Variants in FGF12 observed in about 807,000 individuals in gnomAD.
FGF12 encodes the protein fibroblast growth factor 12.
FGF12 carries 14 observed loss-of-function variants against 23.6 expected under a neutral mutation model. The observed-to-expected ratio is 0.59, with a 90% confidence interval of 0.39 to 0.93. The LOEUF (loss-of-function observed/expected upper bound fraction) is 0.93. Ranked by LOEUF, FGF12 falls within the 40% of genes least tolerant of loss-of-function variation. The pLI is 0.00. For missense variants in FGF12, 175 were observed against 217.8 expected (o/e 0.80, Z 1.24); for synonymous variants, 62 against 77.3 (o/e 0.80, Z 1.04).
intron 5 of FGF12, among the ~76,000 whole-genome samples, chr3:192,164,841 G>A (rs1417171663): frequency 6.6e-6 from 1 of 152,122 alleles, no homozygotes; most frequent in Non-Finnish European, 1.5e-5. Flanking sequence ...TTAGCAGCAA[G>A]TTAGCTAATC....
chr3:192,490,289 C>T (rs1474129120), intron 2 of FGF12, among the ~76,000 whole-genome samples: 1 of 151,964 alleles, frequency 6.6e-6, no homozygotes, highest in Non-Finnish European at 1.5e-5. Context: ...AATGGTTCTA[C>T]CTCCATCACT....
chr3:192,724,444 T>G (rs1423591061), intron 2 of FGF12, among the ~76,000 whole-genome samples: 1 of 152,176 alleles, frequency 6.6e-6, no homozygotes, highest in East Asian at 1.9e-4. Flanking sequence ...GTTCAGAAAG[T>G]ATGTCAGGTG....
intron 4 of FGF12, among the ~76,000 whole-genome samples, chr3:192,236,832 A>G (rs1001685117): frequency 6.6e-6 from 1 of 152,164 alleles, no homozygotes; most frequent in South Asian, 2.1e-4. Flanking sequence ...GTACCTTTAC[A>G]TTCAAGGCTA....
intron 4 of FGF12, among the ~76,000 whole-genome samples, chr3:192,236,752 A>G (rs1477839091): frequency 6.6e-6 from 1 of 152,022 alleles, no homozygotes; most frequent in Admixed American, 6.6e-5. Flanking sequence ...TGCATGTGAG[A>G]TGGATCTACA....
chr3:192,522,423 T>C (rs958275812), intron 2 of FGF12, among the ~76,000 whole-genome samples: 1 of 152,170 alleles, frequency 6.6e-6, no homozygotes, highest in East Asian at 1.9e-4. Flanking sequence ...TAATACCGTA[T>C]AAGATTTCAA....
intron 2 of FGF12, among the ~76,000 whole-genome samples, chr3:192,390,594 G>C (rs78999307): frequency 6.6e-6 from 1 of 152,140 alleles, no homozygotes; most frequent in East Asian, 1.9e-4. Context: ...ATGAAGAAAA[G>C]GTTATATGAA....
At chr3:192,182,324 T>C (rs1438308479) in intron 4 of FGF12, among the ~76,000 whole-genome samples, 1 of 152,144 alleles carries the variant, frequency 6.6e-6, no homozygotes, top group East Asian at 1.9e-4. Flanking sequence ...GTACAATTAA[T>C]GTACTAGTTA....
chr3:192,193,715 C>T (rs1294737146), intron 4 of FGF12, among the ~76,000 whole-genome samples: 1 of 152,110 alleles, frequency 6.6e-6, no homozygotes, highest in Non-Finnish European at 1.5e-5. Context: ...TGGAATGATT[C>T]CCCAGTCCTT....
chr3:192,722,556 G>A (rs2108747873), intron 2 of FGF12, among the ~76,000 whole-genome samples: 1 of 152,232 alleles, frequency 6.6e-6, no homozygotes, highest in Non-Finnish European at 1.5e-5. Flanking sequence ...GAGAGAGTGG[G>A]TCAAATTACT....
intron 2 of FGF12, among the ~76,000 whole-genome samples, chr3:192,657,465 T>C (rs1040219904): frequency 3.3e-5 from 5 of 150,648 alleles, no homozygotes; most frequent in Admixed American, 2.6e-4. Flanking sequence ...AACAAGCTCC[T>C]AAAAGAACCT....
chr3:192,439,114 A>C (rs867240175), intron 2 of FGF12, among the ~76,000 whole-genome samples: 1 of 152,210 alleles, frequency 6.6e-6, no homozygotes, highest in African/African-American at 2.4e-5. Context: ...ACAAAAGGCA[A>C]TCAGATTCAG....
At chr3:192,713,216 T>C (rs1241353512) in intron 2 of FGF12, among the ~76,000 whole-genome samples, 1 of 152,118 alleles carries the variant, frequency 6.6e-6, no homozygotes, top group Non-Finnish European at 1.5e-5. Flanking sequence ...GGAAAGATGG[T>C]GAGATGGAAA....
At chr3:192,629,520 A>G (rs576562735) in intron 2 of FGF12, among the ~76,000 whole-genome samples, 1 of 152,248 alleles carries the variant, frequency 6.6e-6, no homozygotes, top group Non-Finnish European at 1.5e-5. Context: ...GTCAGATGAA[A>G]ACAGATTCTA....
intron 2 of FGF12, among the ~76,000 whole-genome samples, chr3:192,390,469 A>T: frequency 6.6e-6 from 1 of 152,368 alleles, no homozygotes; most frequent in African/African-American, 2.4e-5. Context: ...ATGTTTTGAA[A>T]AATTATGTGT....
intron 5 of FGF12, among the ~76,000 whole-genome samples, chr3:192,150,215 G>A (rs1713971815): frequency 1.2e-5 from 1 of 84,392 alleles, no homozygotes; most frequent in East Asian, 2.8e-4. Flanking sequence ...CTGGATATTA[G>A]CCCTTTGTCA....
At chr3:192,280,342 T>G (rs540346341) in intron 4 of FGF12, among the ~76,000 whole-genome samples, 12 of 152,282 alleles carry the variant, frequency 7.9e-5, no homozygotes, top group African/African-American at 2.9e-4. Flanking sequence ...TGAAACATGG[T>G]ATTTGGTCTC....
intron 2 of FGF12, among the ~76,000 whole-genome samples, chr3:192,419,012 C>CT (rs1475303881): frequency 2.0e-5 from 3 of 152,192 alleles, no homozygotes; most frequent in Non-Finnish European, 4.4e-5. Flanking sequence ...CACAATAACC[C>CT]TGGCAAGGCC....
chr3:192,388,564 A>T (rs1000565375), intron 2 of FGF12, among the ~76,000 whole-genome samples: 13 of 152,266 alleles, frequency 8.5e-5, no homozygotes, highest in Admixed American at 8.5e-4. Context: ...AAGAATTCAG[A>T]CTATTAAGAA....
At chr3:192,343,941 T>C (rs1223305111) in intron 3 of FGF12, among the ~76,000 whole-genome samples, 1 of 152,226 alleles carries the variant, frequency 6.6e-6, no homozygotes, top group Non-Finnish European at 1.5e-5. Context: ...ACTTGCCGTA[T>C]TCTTTTAGCT....
Sources: allele counts gnomAD v4.1 joint callset (sites outside exome capture counted in the v4.1 genomes callset), GRCh38; gene constraint gnomAD v4.1.1; transcripts MANE v1.5; gene names NCBI Gene and HGNC (gene_info 2026-07-23, HGNC 2026-07-21).